EYS: variants seen among roughly 807,000 people sequenced by gnomAD.
EYS encodes the protein protein eyes shut homolog.
Under a neutral mutation model 282.1 loss-of-function variants are expected in EYS, and 250 were observed. The observed-to-expected ratio is 0.89, with a 90% CI of 0.80 to 0.98. EYS has a LOEUF of 0.98. Ranked by LOEUF, EYS falls within the 50% of genes least tolerant of loss-of-function variation. EYS has a pLI of 0.00. For missense variants in EYS, 4,016 were observed against 3,709.0 expected (o/e 1.08, Z -2.15); for synonymous variants, 1,355 against 1,282.9 (o/e 1.06, Z -1.20).
intron 22 of EYS, among the ~76,000 whole-genome samples, chr6:64,798,942 T>C (rs1415691904): frequency 6.6e-6 from 1 of 151,942 alleles, no homozygotes; most frequent in Non-Finnish European, 1.5e-5. Context: ...CTGCTTTAGC[T>C]GGACTCACAT....
chr6:64,332,733 C>T (rs1770693282), intron 29 of EYS, among the ~76,000 whole-genome samples: 1 of 152,198 alleles, frequency 6.6e-6, no homozygotes, highest in South Asian at 2.1e-4. Flanking sequence ...AAGGAAACAT[C>T]AAGCCCTGCT....
Position 65,665,006 on chromosome 6 carries a change from A to G in EYS, c.-447-25114T>C, listed in dbSNP as rs183243224. On this transcript the variant is annotated intron_variant, in intron 1 of 42. Transcript: ENST00000503581. ...AAAGAGCTCTTAATAATCCAGGCTA[A>G]CCTTTTCTGCAGTTAAATGTACCCA... is the stretch of plus-strand genomic sequence containing the variant. 1.3e-4 allele frequency among the ~76,000 whole-genome samples: 20 copies of G among 152,238 alleles called. No homozygotes were observed. In the East Asian group the frequency reaches 3.7e-3, roughly 28 times the overall value.
At chr6:64,735,637 C>T (rs978355799) in intron 22 of EYS, among the ~76,000 whole-genome samples, 1 of 152,112 alleles carries the variant, frequency 6.6e-6, no homozygotes, top group Non-Finnish European at 1.5e-5. Context: ...TGATTGTACA[C>T]ATTTGAATAA....
At chr6:64,836,468 C>G (rs894933530) in intron 19 of EYS, among the ~76,000 whole-genome samples, 7 of 151,358 alleles carry the variant, frequency 4.6e-5, no homozygotes, top group Non-Finnish European at 5.9e-5. Context: ...TCTCTGTAGA[C>G]AATTTATGCA....
intron 29 of EYS, among the ~76,000 whole-genome samples, chr6:64,381,075 G>GTA (rs1772733059): frequency 6.6e-6 from 1 of 151,534 alleles, no homozygotes; most frequent in Non-Finnish European, 1.5e-5. Context: ...ACCCACAGGT[G>GTA]TATATGCATA....
At chr6:65,383,137 T>C (rs1359979397) in intron 8 of EYS, among the ~76,000 whole-genome samples, 1 of 152,018 alleles carries the variant, frequency 6.6e-6, no homozygotes, top group Non-Finnish European at 1.5e-5. Flanking sequence ...CTACAAAACA[T>C]TTGTTAATAT....
intron 22 of EYS, among the ~76,000 whole-genome samples, chr6:64,716,378 G>A (rs564559611): frequency 5.3e-4 from 80 of 152,274 alleles, no homozygotes; most frequent in African/African-American, 1.8e-3. Flanking sequence ...CATAACATGT[G>A]TTCATGCACC....
intron 12 of EYS, among the ~76,000 whole-genome samples, chr6:65,141,681 ATC>A (rs1764348756): frequency 6.6e-6 from 1 of 151,472 alleles, no homozygotes; most frequent in Non-Finnish European, 1.5e-5. Flanking sequence ...CTATCTATCT[ATC>A]TATCTAGAAA....
chr6:64,348,750 C>G (rs367609102), intron 29 of EYS, among the ~76,000 whole-genome samples: 11 of 151,486 alleles, frequency 7.3e-5, no homozygotes, highest in African/African-American at 2.7e-4. Flanking sequence ...AGTCACAAAC[C>G]TAAGACATGA....
At chr6:63,732,106 A>G (rs1314521052) in intron 41 of EYS, among the ~76,000 whole-genome samples, 1 of 151,970 alleles carries the variant, frequency 6.6e-6, no homozygotes, top group African/African-American at 2.4e-5. Flanking sequence ...GGGTCAGTGC[A>G]GGAGTTGAGA....
At chr6:65,691,350 T>TC (rs535979331) in intron 1 of EYS, among the ~76,000 whole-genome samples, 81 of 150,564 alleles carry the variant, frequency 5.4e-4, no homozygotes, top group African/African-American at 1.7e-3. Flanking sequence ...GAGCTTTTTT[T>TC]CATACAATTG....
intron 33 of EYS, among the ~76,000 whole-genome samples, chr6:64,055,003 C>A (rs1770933210): frequency 6.6e-6 from 1 of 152,184 alleles, no homozygotes; most frequent in Non-Finnish European, 1.5e-5. Flanking sequence ...ATCATCTGGA[C>A]AGTTTTCTTT....
intron 5 of EYS, among the ~76,000 whole-genome samples, chr6:65,419,608 T>A (rs113217252): frequency 6.6e-6 from 1 of 151,968 alleles, no homozygotes. Context: ...TTTCTAGTCA[T>A]CACATTTTAA....
At chr6:63,821,313 A>G (rs1404241124) in intron 36 of EYS, 1 of 152,184 alleles carries the variant, frequency 6.6e-6, no homozygotes, top group Admixed American at 6.5e-5. Flanking sequence ...GAAACAACAC[A>G]TCAAAGTGAG....
intron 12 of EYS, among the ~76,000 whole-genome samples, chr6:65,242,172 T>C (rs1767073101): frequency 6.6e-6 from 1 of 152,094 alleles, no homozygotes; most frequent in Admixed American, 6.5e-5. Flanking sequence ...CTTTACCATT[T>C]AAAGTTTGCA....
chr6:65,021,608 C>A (rs1434512940), intron 13 of EYS, among the ~76,000 whole-genome samples: 1 of 152,188 alleles, frequency 6.6e-6, no homozygotes, highest in Non-Finnish European at 1.5e-5. Context: ...ACTCTTCCAG[C>A]CTCTGCCTGT....
intron 31 of EYS, among the ~76,000 whole-genome samples, chr6:64,159,671 T>G (rs973832764): frequency 6.6e-6 from 1 of 151,768 alleles, no homozygotes; most frequent in African/African-American, 2.4e-5. Flanking sequence ...CCCACAGATA[T>G]GGAAGCTGAT....
intron 1 of EYS, among the ~76,000 whole-genome samples, chr6:65,689,541 A>T (rs1245776480): frequency 6.7e-6 from 1 of 150,020 alleles, no homozygotes; most frequent in African/African-American, 2.4e-5. Context: ...AATTATGTGT[A>T]AAAATTAAGA....
intron 19 of EYS, among the ~76,000 whole-genome samples, chr6:64,844,294 C>T (rs990879591): frequency 6.6e-6 from 1 of 150,660 alleles, no homozygotes; most frequent in Non-Finnish European, 1.5e-5. Context: ...TAGCCTTTCT[C>T]ACCCAGCACT....
Sources: gnomAD v4.1 joint callset for allele counts (sites outside exome capture counted in the v4.1 genomes callset) on GRCh38, gnomAD v4.1.1 for gene constraint, MANE v1.5 for transcripts, NCBI Gene and HGNC (gene_info 2026-07-23, HGNC 2026-07-21) for gene names.